The following MITF variants were observed in gnomAD, a reference collection of about 807,000 sequenced individuals.
MITF encodes microphthalmia-associated transcription factor.
Under a neutral mutation model 60.5 loss-of-function variants are expected in MITF, and 17 were observed. The observed-to-expected ratio is 0.28, with a 90% CI of 0.19 to 0.42. MITF has a LOEUF of 0.42. MITF is among the 10% of genes least tolerant of loss of function. The pLI, the probability that MITF is intolerant of heterozygous loss-of-function variation, is 1.00. For missense variants in MITF, 622 were observed against 683.5 expected (o/e 0.91, Z 1.00); for synonymous variants, 260 against 248.5 (o/e 1.05, Z -0.43).
At chr3:69,963,832 T>A (rs569277543) in intron 9 of MITF, among the ~76,000 whole-genome samples, 7 of 152,340 alleles carry the variant, frequency 4.6e-5, no homozygotes, top group Admixed American at 4.6e-4. Flanking sequence ...AGTATTGCCA[T>A]TGCCCTTGAA....
At chr3:69,936,010 A>T (rs2065824977) in intron 2 of MITF, among the ~76,000 whole-genome samples, 1 of 152,200 alleles carries the variant, frequency 6.6e-6, no homozygotes, top group East Asian at 1.9e-4. Context: ...ATAAATATAT[A>T]TCCACTTCTG....
At chr3:69,877,776 A>G (rs1358363783) in intron 1 of MITF, among the ~76,000 whole-genome samples, 1 of 152,132 alleles carries the variant, frequency 6.6e-6, no homozygotes, top group African/African-American at 2.4e-5. Context: ...AGGATGGTCA[A>G]TGATATTTAA....
At chr3:69,806,017 A>G (rs1311211605) in intron 1 of MITF, among the ~76,000 whole-genome samples, 2 of 152,042 alleles carry the variant, frequency 1.3e-5, no homozygotes, top group Non-Finnish European at 2.9e-5. Flanking sequence ...TCCATTTAAT[A>G]TAGACTAATT....
At chr3:69,956,898 C>G (rs770173110) in intron 8 of MITF, among the ~76,000 whole-genome samples, 1 of 152,128 alleles carries the variant, frequency 6.6e-6, no homozygotes, top group East Asian at 1.9e-4. Context: ...ACTGTTTGCT[C>G]TTTGACTTGT....
intron 1 of MITF, among the ~76,000 whole-genome samples, chr3:69,762,154 A>G (rs1432702122): frequency 6.6e-6 from 1 of 152,218 alleles, no homozygotes; most frequent in African/African-American, 2.4e-5. Context: ...TAGTCAGTGC[A>G]AAGTATTGAG....
At chr3:69,877,217 A>G (rs951691112) in intron 1 of MITF, among the ~76,000 whole-genome samples, 1 of 152,166 alleles carries the variant, frequency 6.6e-6, no homozygotes, top group Non-Finnish European at 1.5e-5. Context: ...ATAGTATGGG[A>G]CAAATTTTTT....
chr3:69,820,870 G>C (rs2063258565), intron 1 of MITF, among the ~76,000 whole-genome samples: 1 of 151,990 alleles, frequency 6.6e-6, no homozygotes, highest in South Asian at 2.1e-4. Context: ...GTTATTATAG[G>C]CCACATATAT....
At chr3:69,767,123 A>C (rs937114752) in intron 1 of MITF, among the ~76,000 whole-genome samples, 6 of 152,220 alleles carry the variant, frequency 3.9e-5, no homozygotes, top group African/African-American at 1.4e-4. Context: ...TAATTAGATT[A>C]GCAGAGTTTT....
intron 1 of MITF, among the ~76,000 whole-genome samples, chr3:69,870,184 T>C (rs2064198145): frequency 6.7e-6 from 1 of 149,348 alleles, no homozygotes; most frequent in South Asian, 2.1e-4. Flanking sequence ...AGCCAGTCTG[T>C]TTCATCACAA....
intron 4 of MITF, among the ~76,000 whole-genome samples, chr3:69,939,428 A>G (rs1190746491): frequency 2.0e-5 from 3 of 152,118 alleles, no homozygotes; most frequent in Non-Finnish European, 4.4e-5. Flanking sequence ...CTTAAAGTAC[A>G]TAAATTTTAA....
At chr3:69,789,683 C>G (rs939046612) in intron 1 of MITF, among the ~76,000 whole-genome samples, 7 of 152,144 alleles carry the variant, frequency 4.6e-5, no homozygotes, top group African/African-American at 1.7e-4. Flanking sequence ...TGGCAAAACC[C>G]TATCTCTACT....
chr3:69,866,438 G>A, intron 1 of MITF: 1 of 1,482,920 alleles, frequency 6.7e-7, no homozygotes, highest in Non-Finnish European at 9.1e-7. Flanking sequence ...GGAAGAGAAG[G>A]GTTTATTGGG....
chr3:69,815,558 A>C (rs1040195468), intron 1 of MITF, among the ~76,000 whole-genome samples: 10 of 152,222 alleles, frequency 6.6e-5, no homozygotes, highest in African/African-American at 9.6e-5. Flanking sequence ...TTATTGTAAG[A>C]ATACAGTGCA....
chr3:69,913,072 A>C (rs2065258453), intron 2 of MITF, among the ~76,000 whole-genome samples: 1 of 152,168 alleles, frequency 6.6e-6, no homozygotes. Context: ...ATTATTATTT[A>C]AAAAGCAAGC....
chr3:69,748,034 G>C (rs1703795929), intron 1 of MITF, among the ~76,000 whole-genome samples: 1 of 152,020 alleles, frequency 6.6e-6, no homozygotes. Flanking sequence ...CATGCTTCCT[G>C]TCCACTCTGT....
Position 69,879,434 on chromosome 3 carries a change from A to G in MITF, c.354+51A>G, listed in dbSNP as rs765632175. 49 of 1,612,672 alleles carry G rather than the reference A, an allele frequency of 3.0e-5. No individual in the cohort carries two copies. The South Asian group carries it at 4.7e-4, about 16-fold the overall frequency. ...TGGACCAAACTCTCTTCCATTTTCC[A>G]TTTGCTAGGTGTTTTGTTTATCTGA... On this transcript the variant is annotated intron_variant, in intron 2 of 9. Coordinates refer to ENST00000352241, the MANE Select transcript of MITF (RefSeq NM_001354604.2).
At chr3:69,863,418 G>A (rs2064052628) in intron 1 of MITF, among the ~76,000 whole-genome samples, 1 of 152,174 alleles carries the variant, frequency 6.6e-6, no homozygotes, top group African/African-American at 2.4e-5. Flanking sequence ...GGTGTAAATT[G>A]TCAATAGAAA....
intron 1 of MITF, among the ~76,000 whole-genome samples, chr3:69,804,176 A>T (rs2062967980): frequency 6.6e-6 from 1 of 152,254 alleles, no homozygotes; most frequent in Non-Finnish European, 1.5e-5. Flanking sequence ...CTGAAGTACT[A>T]AAAATACATG....
chr3:69,760,868 T>TGCTAATATTATAATATATAGTTATAATA (rs1314753369), intron 1 of MITF, among the ~76,000 whole-genome samples: 3 of 152,194 alleles, frequency 2.0e-5, no homozygotes, highest in African/African-American at 7.2e-5. Context: ...AATTAGCATA[T>TGCTAATATTATAATATATAGTTATAATA]TATAGTTATC....
Sources: gnomAD v4.1 joint callset for allele counts (sites outside exome capture counted in the v4.1 genomes callset) on GRCh38, gnomAD v4.1.1 for gene constraint, MANE v1.5 for transcripts, NCBI Gene and HGNC (gene_info 2026-07-23, HGNC 2026-07-21) for gene names.